The following KANSL1L variants were observed in gnomAD, a reference collection of about 807,000 sequenced individuals.
The protein encoded by KANSL1L is KAT8 regulatory NSL complex subunit 1-like protein.
Under a neutral mutation model 108.6 loss-of-function variants are expected in KANSL1L, and 25 were observed. The observed-to-expected ratio is 0.23, with a 90% CI of 0.17 to 0.32. The LOEUF is 0.32. Ranked by LOEUF, KANSL1L falls within the 10% of genes least tolerant of loss-of-function variation. The probability of loss-of-function intolerance (pLI) is 1.00; values close to 1 mark genes in which losing one functional copy is unlikely to be tolerated. For missense variants in KANSL1L, 1,137 were observed against 1,125.7 expected, an observed-to-expected ratio of 1.01 and a Z score of -0.14; for synonymous variants, 405 against 395.1, an observed-to-expected ratio of 1.03 and a Z score of -0.30.
intron 1 of KANSL1L, among the ~76,000 whole-genome samples, chr2:210,167,627 T>C (rs1163338444): frequency 6.6e-6 from 1 of 151,946 alleles, no homozygotes; most frequent in Non-Finnish European, 1.5e-5. Flanking sequence ...TAAAAATTTG[T>C]TTAAATAAAA....
chr2:210,125,644 G>C (rs1486796535), intron 3 of KANSL1L, among the ~76,000 whole-genome samples: 1 of 152,144 alleles, frequency 6.6e-6, no homozygotes. Flanking sequence ...TATTCCAAGT[G>C]AGATTTATTC....
At chr2:210,079,097 T>C (rs1004251530) in intron 5 of KANSL1L, among the ~76,000 whole-genome samples, 2 of 152,098 alleles carry the variant, frequency 1.3e-5, no homozygotes, top group Non-Finnish European at 2.9e-5. Flanking sequence ...ACTACAGGTG[T>C]GCACCACAAC....
chr2:210,133,032 G>A (rs987211928), intron 2 of KANSL1L, among the ~76,000 whole-genome samples: 1 of 152,056 alleles, frequency 6.6e-6, no homozygotes, highest in Non-Finnish European at 1.5e-5. Context: ...TTGGTCATTT[G>A]TGTCTTTTAA....
At chr2:210,080,999 T>C (rs1384377522) in intron 5 of KANSL1L, among the ~76,000 whole-genome samples, 1 of 151,744 alleles carries the variant, frequency 6.6e-6, no homozygotes, top group African/African-American at 2.4e-5. Flanking sequence ...CCCAGCTACT[T>C]GGGAGCCTGA....
chr2:210,145,258 G>A (rs2095257461), intron 2 of KANSL1L, among the ~76,000 whole-genome samples: 2 of 152,206 alleles, frequency 1.3e-5, no homozygotes, highest in African/African-American at 2.4e-5. Context: ...CTGACTTGCA[G>A]GTGCATTTGC....
At chr2:210,134,696 T>C (rs1231600369) in intron 2 of KANSL1L, among the ~76,000 whole-genome samples, 1 of 152,142 alleles carries the variant, frequency 6.6e-6, no homozygotes, top group Non-Finnish European at 1.5e-5. Context: ...AATTAATAAG[T>C]GCATAGGCTT....
intron 9 of KANSL1L, among the ~76,000 whole-genome samples, 182 bp from the exon 10 acceptor site, chr2:210,030,100 G>C (rs1349416444): frequency 6.6e-6 from 1 of 152,026 alleles, no homozygotes; most frequent in Non-Finnish European, 1.5e-5. Context: ...CATGCCACAA[G>C]TTATTTCCAT....
At position 210,170,424 on chromosome 2, in the gene KANSL1L, G is replaced by C. The variant is rs1023808218; in HGVS notation, c.-30+725C>G. On this transcript the variant is annotated intron_variant, in intron 1 of 14. Transcript: ENST00000281772. Reference sequence around the variant, plus strand: ...ACGTCCATCCAGTGCCTGCCCTCCCGACTGCAAAGCCAGCCTCTTTCCTTT... The same window carrying C: ...ACGTCCATCCAGTGCCTGCCCTCCCCACTGCAAAGCCAGCCTCTTTCCTTT... 3.1e-6 allele frequency: 3 copies of C among 979,082 alleles called. No homozygotes were observed. The African/African-American group carries it at 5.3e-5, about 17-fold the overall frequency. 60.6% of individuals were successfully genotyped at this position (979,082 alleles called of 1,614,324 possible). A position where few individuals can be genotyped will look rare whatever the true frequency, so the allele number is the denominator to read the frequency against.
At chr2:210,119,762 A>G (rs997601271) in intron 3 of KANSL1L, among the ~76,000 whole-genome samples, 1 of 152,192 alleles carries the variant, frequency 6.6e-6, no homozygotes. Context: ...GAAATCTAGA[A>G]CGTAACAAGG....
intron 6 of KANSL1L, among the ~76,000 whole-genome samples, chr2:210,073,325 G>C (rs1422854089): frequency 6.6e-6 from 1 of 152,100 alleles, no homozygotes; most frequent in Non-Finnish European, 1.5e-5. Context: ...GGATAAGTCT[G>C]AGTCTACATC....
intron 1 of KANSL1L, among the ~76,000 whole-genome samples, chr2:210,156,031 G>A (rs1477946806): frequency 6.6e-6 from 1 of 152,092 alleles, no homozygotes; most frequent in Non-Finnish European, 1.5e-5. Context: ...CAAAATGACA[G>A]ACTAGGAGAA....
At chr2:210,138,869 C>A (rs2095200263) in intron 2 of KANSL1L, among the ~76,000 whole-genome samples, 1 of 152,042 alleles carries the variant, frequency 6.6e-6, no homozygotes. Context: ...GAGGCTGAGG[C>A]AGATGGATCA....
intron 2 of KANSL1L, among the ~76,000 whole-genome samples, chr2:210,145,836 C>T (rs1202717759): frequency 1.3e-5 from 2 of 152,124 alleles, no homozygotes; most frequent in East Asian, 1.9e-4. Flanking sequence ...TGAGAGTATG[C>T]ATAGTGGGAC....
intron 3 of KANSL1L, 62 bp downstream of exon 3, chr2:210,128,969 T>C (rs890469273): frequency 1.2e-5 from 15 of 1,288,040 alleles, no homozygotes; most frequent in East Asian, 9.9e-5. Flanking sequence ...TGTGATCAAA[T>C]GAGAAGGAAT....
rs1223385718 is a variant in KANSL1L, at chr2:210,149,852, GAT to G, written c.1088+3641_1088+3642del. Among the ~76,000 whole-genome samples the G allele has an allele frequency of 3.4e-5, 5 of 147,990 alleles. No individual in the cohort carries two copies. The East Asian group carries it at 9.9e-4, about 29-fold the overall frequency. ...ACATTTTGTATTTAATGTATGGGAA[GAT>G]ATATGAAATCAAGAAATGTTGAATA... On this transcript the variant is annotated intron_variant, in intron 2 of 14. Coordinates refer to ENST00000281772, the MANE Select transcript of KANSL1L (RefSeq NM_152519.4).
intron 12 of KANSL1L, among the ~76,000 whole-genome samples, chr2:210,026,906 G>C (rs2093945640): frequency 6.6e-6 from 1 of 152,088 alleles, no homozygotes; most frequent in Non-Finnish European, 1.5e-5. Flanking sequence ...AAGTAGCTGG[G>C]ACTACAGGTG....
chr2:210,027,032 A>G (rs1428102760), intron 12 of KANSL1L, among the ~76,000 whole-genome samples: 3 of 152,136 alleles, frequency 2.0e-5, no homozygotes, highest in African/African-American at 7.2e-5. Flanking sequence ...TGGCCTCCCA[A>G]AGTGCTGGGA....
intron 13 of KANSL1L, 34 bp downstream of exon 13, chr2:210,025,068 GAT>G (rs757545327): frequency 7.7e-7 from 1 of 1,301,710 alleles, no homozygotes; most frequent in South Asian, 1.2e-5. Context: ...ATTTCACATG[GAT>G]TCTATGGCTT....
At chr2:210,071,923 T>C (rs1293032671) in intron 6 of KANSL1L, among the ~76,000 whole-genome samples, 1 of 152,242 alleles carries the variant, frequency 6.6e-6, no homozygotes, top group African/African-American at 2.4e-5. Flanking sequence ...AGTTTATTTA[T>C]TATATACAAT....
Sources: allele counts gnomAD v4.1 joint callset (sites outside exome capture counted in the v4.1 genomes callset), GRCh38; gene constraint gnomAD v4.1.1; transcripts MANE v1.5; gene names NCBI Gene and HGNC (gene_info 2026-07-23, HGNC 2026-07-21).